Variants in PLA2R1 observed in about 807,000 individuals in gnomAD.
The protein encoded by PLA2R1 is phospholipase A2 receptor 1.
Under a neutral mutation model 195.9 loss-of-function variants are expected in PLA2R1, and 158 were observed. The ratio of observed to expected loss-of-function variants is 0.81; its 90% CI spans 0.71 to 0.92. The LOEUF is 0.92. PLA2R1 is among the 40% of genes least tolerant of loss of function. The pLI, the probability that PLA2R1 is intolerant of heterozygous loss-of-function variation, is 0.00. For synonymous variants in PLA2R1, 586 were observed against 598.2 expected (o/e 0.98, Z 0.30); for missense variants, 1,626 against 1,764.6 (o/e 0.92, Z 1.41).
At chr2:160,045,942 G>T (rs2105623457) in intron 1 of PLA2R1, among the ~76,000 whole-genome samples, 2 of 152,300 alleles carry the variant, frequency 1.3e-5, no homozygotes, top group South Asian at 4.1e-4. Context: ...ATGCCCCTAA[G>T]CTCTCCTCCC....
At chr2:160,017,799 T>C (rs1692863704) in intron 8 of PLA2R1, among the ~76,000 whole-genome samples, 1 of 152,188 alleles carries the variant, frequency 6.6e-6, no homozygotes, top group Non-Finnish European at 1.5e-5. Flanking sequence ...TCTAGAATTT[T>C]AGGGGAATGT....
intron 19 of PLA2R1, among the ~76,000 whole-genome samples, chr2:159,968,510 G>C (rs920211859): frequency 6.6e-6 from 1 of 152,166 alleles, no homozygotes; most frequent in Non-Finnish European, 1.5e-5. Context: ...GGTAAAAGCA[G>C]GCTGATTAAC....
chr2:159,961,173 A>G (rs2105192508), intron 20 of PLA2R1, among the ~76,000 whole-genome samples: 1 of 152,310 alleles, frequency 6.6e-6, no homozygotes, highest in Middle Eastern at 3.4e-3. Context: ...CCAGTGGTGG[A>G]ATTTTAGGCA....
At chr2:160,059,345 C>G (rs1010405570) in intron 1 of PLA2R1, among the ~76,000 whole-genome samples, 1 of 152,192 alleles carries the variant, frequency 6.6e-6, no homozygotes, top group Non-Finnish European at 1.5e-5. Context: ...AAGTACAGTG[C>G]TGTGCACCGT....
intron 11 of PLA2R1, among the ~76,000 whole-genome samples, chr2:159,991,146 T>C (rs950390512): frequency 6.6e-6 from 1 of 152,204 alleles, no homozygotes; most frequent in Non-Finnish European, 1.5e-5. Context: ...TGAGTTCCCC[T>C]AAAATTATGC....
At chr2:159,979,007 A>G (rs1689761819) in intron 14 of PLA2R1, among the ~76,000 whole-genome samples, 1 of 152,172 alleles carries the variant, frequency 6.6e-6, no homozygotes, top group African/African-American at 2.4e-5. Flanking sequence ...GCACTGAGTT[A>G]TTGTAAGGAT....
intron 4 of PLA2R1, among the ~76,000 whole-genome samples, chr2:160,030,301 G>A (rs1693776514): frequency 6.6e-6 from 1 of 152,234 alleles, no homozygotes; most frequent in Non-Finnish European, 1.5e-5. Flanking sequence ...CCAAGTTTCT[G>A]TGGCATTCAT....
chr2:159,959,899 T>C (rs1357709704), intron 20 of PLA2R1, among the ~76,000 whole-genome samples: 3 of 152,200 alleles, frequency 2.0e-5, no homozygotes, highest in Admixed American at 1.3e-4. Context: ...TACCAGTCTC[T>C]TGCCTGCACT....
intron 20 of PLA2R1, among the ~76,000 whole-genome samples, chr2:159,958,910 C>T (rs548635677): frequency 6.6e-6 from 1 of 152,310 alleles, no homozygotes; most frequent in African/African-American, 2.4e-5. Flanking sequence ...TTTTAAAACT[C>T]AGTCCTGATC....
intron 3 of PLA2R1, among the ~76,000 whole-genome samples, chr2:160,038,139 G>A (rs1694281211): frequency 6.6e-6 from 1 of 152,214 alleles, no homozygotes; most frequent in South Asian, 2.1e-4. Flanking sequence ...ATTCTTTTGC[G>A]AATTCTCTCT....
chr2:159,966,302 T>A (rs1688785158), intron 20 of PLA2R1, among the ~76,000 whole-genome samples: 1 of 152,192 alleles, frequency 6.6e-6, no homozygotes, highest in Non-Finnish European at 1.5e-5. Context: ...AGGCAAATAC[T>A]GTCTGATTCC....
chr2:159,953,092 C>T (rs181545587), intron 23 of PLA2R1, among the ~76,000 whole-genome samples: 1,898 of 152,272 alleles, frequency 0.012, 28 homozygotes, highest in Non-Finnish European at 0.016. Flanking sequence ...GTATATGTTA[C>T]CCAAATGCCA....
In PLA2R1 at chr2:159,969,345, G is replaced by A; in HGVS notation, c.2675C>T (p.Thr892Ile). The A allele has an allele frequency of 6.3e-7, 1 of 1,588,824 alleles. No homozygotes were observed. Among genetic ancestry groups the A allele is most frequent in the Non-Finnish European group, 8.6e-7 (1 of 1,157,422 alleles). Residue 892 changes from threonine (T) to isoleucine (I), a missense_variant, in exon 19 of 30, where the codon ACA becomes ATA. Thr to Ile is a moderately conservative substitution (Grantham distance 89). Coordinates refer to ENST00000283243, the MANE Select transcript of PLA2R1 (RefSeq NM_007366.5). ...GTCCCAGTTCTGGTATATCACTGGT[G>A]TTCCATCTCTCCAGCTGTGGGAAGA... Reference protein sequence around the residue: ...ANDEFRWRDGTPVIYQNWDTG... With the variant: ...ANDEFRWRDGIPVIYQNWDTG...
At chr2:160,041,903 G>A in intron 3 of PLA2R1, 122 bp downstream of exon 3, 10 of 736,426 alleles carry the variant, frequency 1.4e-5, no homozygotes, top group Middle Eastern at 3.0e-4. Flanking sequence ...TGTGTTAATA[G>A]CATCAGGGTT....
rs575880752 is a variant in PLA2R1, at chr2:159,970,140, G to A, written c.2660+8C>T. 1.1e-5 allele frequency: 18 copies of A among 1,575,284 alleles called. No individual in the cohort carries two copies. The Admixed American group carries it at 1.7e-4, about 15-fold the overall frequency. Reference sequence around the variant, plus strand: ...CAAAATTAAATGCAAATGAATCTAGGTTCATACCGAAATTCATCATTGGCT... The same window carrying A: ...CAAAATTAAATGCAAATGAATCTAGATTCATACCGAAATTCATCATTGGCT... On this transcript the variant is annotated splice_region_variant and intron_variant, in intron 18 of 29. Coordinates refer to ENST00000283243, the MANE Select transcript of PLA2R1 (RefSeq NM_007366.5).
chr2:159,976,352 A>G, intron 16 of PLA2R1, 127 bp from the exon 17 acceptor site: 1 of 634,500 alleles, frequency 1.6e-6, no homozygotes, highest in Non-Finnish European at 2.7e-6. Context: ...ATTTGAACAC[A>G]CACACACAGA....
chr2:159,946,905 A>G lies in PLA2R1; in HGVS notation c.3863T>C (p.Leu1288Ser). Residue 1288 changes from leucine to serine, a missense_variant, in exon 27 of 30, where the codon TTA becomes TCA. By Grantham distance (145) the Leu-to-Ser change is moderately radical. Transcript: ENST00000283243. ...ATTTTCAGCCTCATCCTTGATTGTTAAAAGATTAGAACCTATAAGAGAGAC... is the reference window on the plus strand; with the variant it reads ...ATTTTCAGCCTCATCCTTGATTGTTGAAAGATTAGAACCTATAAGAGAGAC... The part of the protein sequence containing the change: ...EFCKKEGSNL[L>S]TIKDEAENAF... 1 of 1,602,180 alleles carries G rather than the reference A, an allele frequency of 6.2e-7. No individual in the cohort carries two copies.
chr2:159,979,490 T>C (rs555490547), intron 14 of PLA2R1, among the ~76,000 whole-genome samples: 24 of 152,210 alleles, frequency 1.6e-4, no homozygotes, highest in Non-Finnish European at 3.4e-4. Flanking sequence ...AATCAGGTGA[T>C]ATGCAGGATA....
rs150235692 is a variant in PLA2R1, at chr2:160,036,521, T to A, written c.668-3389A>T. On this transcript the variant is annotated intron_variant, in intron 3 of 29. Coordinates refer to ENST00000283243, the MANE Select transcript of PLA2R1 (RefSeq NM_007366.5). Reference sequence around the variant, plus strand: ...GGCACACTGCAGTTTCTAAAGAGAGTCATAGTTAACGGTTCAGGCCCCTCA... The same window carrying A: ...GGCACACTGCAGTTTCTAAAGAGAGACATAGTTAACGGTTCAGGCCCCTCA... 1.7e-3 allele frequency among the ~76,000 whole-genome samples: 259 copies of A among 152,128 alleles called. 1 individual carries two copies. Among genetic ancestry groups the A allele is most frequent in the African/African-American group, 6.0e-3 (247 of 41,500 alleles).
Sources: gnomAD v4.1 joint callset for allele counts (sites outside exome capture counted in the v4.1 genomes callset) on GRCh38, gnomAD v4.1.1 for gene constraint, MANE v1.5 for transcripts, NCBI Gene and HGNC (gene_info 2026-07-23, HGNC 2026-07-21) for gene names.